The following VPS8 variants were observed in gnomAD, a reference collection of about 807,000 sequenced individuals.
VPS8 encodes vacuolar protein sorting-associated protein 8 homolog.
VPS8 carries 129 observed loss-of-function variants against 216.4 expected under a neutral mutation model. The ratio of observed to expected loss-of-function variants is 0.60; its 90% confidence interval spans 0.52 to 0.69. The LOEUF is 0.69. Among genes scored for constraint, VPS8 ranks in the 30% least tolerant of loss-of-function variants. VPS8 has a pLI of 0.00. For synonymous variants in VPS8, 571 were observed against 565.4 expected (o/e 1.01, Z -0.14); for missense variants, 1,531 against 1,683.5 (o/e 0.91, Z 1.59).
At chr3:184,835,403 A>G (rs1394493833) in intron 5 of VPS8, among the ~76,000 whole-genome samples, 1 of 152,144 alleles carries the variant, frequency 6.6e-6, no homozygotes, top group Non-Finnish European at 1.5e-5. Flanking sequence ...AATGGCTGGA[A>G]CAGAGTATCT....
chr3:184,930,678 G>A (rs536867155), intron 34 of VPS8, 110 bp downstream of exon 34: 1 of 739,214 alleles, frequency 1.4e-6, no homozygotes, highest in Admixed American at 2.4e-5. Flanking sequence ...ATTTAATTTA[G>A]GGTTGAAATC....
chr3:184,968,839 G>A (rs1044018775), intron 39 of VPS8, among the ~76,000 whole-genome samples: 6 of 152,094 alleles, frequency 3.9e-5, no homozygotes, highest in Non-Finnish European at 2.9e-5. Flanking sequence ...CTTGGTCCAC[G>A]CATTTCACTA....
At chr3:184,832,367 G>T (rs1327001962) in intron 3 of VPS8, among the ~76,000 whole-genome samples, 1 of 152,058 alleles carries the variant, frequency 6.6e-6, no homozygotes, top group Non-Finnish European at 1.5e-5. Flanking sequence ...TTAGCCATTG[G>T]CTGTTAGTTA....
chr3:185,016,211 AC>A (rs779249820), intron 45 of VPS8, among the ~76,000 whole-genome samples: 2 of 152,194 alleles, frequency 1.3e-5, no homozygotes, highest in Admixed American at 1.3e-4. Context: ...ACGTATCGTT[AC>A]TTTCTGTGGC....
rs916104865 is a variant in VPS8 at position 184,963,660 on chromosome 3, G to A, written c.3184-808G>A. Among the ~76,000 whole-genome samples the A allele has an allele frequency of 3.9e-5, 6 of 152,080 alleles. No individual in the cohort carries two copies. The South Asian group carries it at 1.0e-3, about 26-fold the overall frequency. On this transcript the variant is annotated intron_variant, in intron 37 of 47. Coordinates refer to ENST00000625842, the MANE Select transcript of VPS8 (RefSeq NM_001009921.3). ...TGTCTAGGATCTCTAAGGTATTGGC[G>A]AATAGAAGCAGTGACAGTATGACTT...
At chr3:185,025,596 C>T (rs1210525982) in intron 46 of VPS8, among the ~76,000 whole-genome samples, 1 of 152,240 alleles carries the variant, frequency 6.6e-6, no homozygotes, top group Non-Finnish European at 1.5e-5. Context: ...ATCTCTTTCA[C>T]TCTTGTCAAG....
intron 37 of VPS8, among the ~76,000 whole-genome samples, chr3:184,963,437 A>G (rs1746871872): frequency 6.6e-6 from 1 of 152,114 alleles, no homozygotes. Flanking sequence ...TTAATATTGT[A>G]CAAGGAGATT....
At chr3:184,909,404 A>G (rs188414453) in intron 25 of VPS8, among the ~76,000 whole-genome samples, 62 of 152,162 alleles carry the variant, frequency 4.1e-4, no homozygotes, top group Non-Finnish European at 4.4e-4. Flanking sequence ...TTACTCCACC[A>G]TTTCTGAGGT....
intron 21 of VPS8, among the ~76,000 whole-genome samples, chr3:184,882,819 A>C (rs968864572): frequency 6.6e-6 from 1 of 152,068 alleles, no homozygotes; most frequent in Non-Finnish European, 1.5e-5. Context: ...GGTGCACTTC[A>C]TGTAAATTGT....
intron 32 of VPS8, among the ~76,000 whole-genome samples, chr3:184,928,778 T>C (rs1240021683): frequency 2.0e-5 from 3 of 152,168 alleles, no homozygotes; most frequent in East Asian, 1.9e-4. Flanking sequence ...AGTGAAATAG[T>C]CTTATGATGT....
chr3:184,921,556 G>A (rs1738612993), intron 29 of VPS8, among the ~76,000 whole-genome samples: 1 of 151,974 alleles, frequency 6.6e-6, no homozygotes, highest in Non-Finnish European at 1.5e-5. Context: ...AGCTAAACAT[G>A]AGGAGTTCTG....
rs548182111 is a variant in VPS8 at position 184,813,251 on chromosome 3, C to T, written c.-89+1026C>T. On this transcript the variant is annotated intron_variant, in intron 1 of 47. Coordinates refer to ENST00000625842, the MANE Select transcript of VPS8 (RefSeq NM_001009921.3). ...TAGAATGAATAGGAAGGCTTCTGGC[C>T]TCTGCACCATCCACCCTCTACCATA... 6.6e-5 allele frequency among the ~76,000 whole-genome samples: 10 copies of T among 152,220 alleles called. No homozygotes were observed. The South Asian group carries it at 2.1e-3, about 32-fold the overall frequency.
At chr3:184,854,496 G>A (rs1046490934) in intron 13 of VPS8, among the ~76,000 whole-genome samples, 1 of 152,160 alleles carries the variant, frequency 6.6e-6, no homozygotes, top group Non-Finnish European at 1.5e-5. Context: ...CTGGTACTCT[G>A]TGGTCACACC....
chr3:184,891,492 G>GA (rs892175611), intron 22 of VPS8, among the ~76,000 whole-genome samples: 1 of 151,956 alleles, frequency 6.6e-6, no homozygotes, highest in African/African-American at 2.4e-5. Flanking sequence ...AAAGCTGGGG[G>GA]AAAAAAGGCG....
At position 184,915,338 on chromosome 3, in the gene VPS8, T is replaced by G; in HGVS notation, c.2263-17T>G. 1 of 1,608,548 alleles carries G rather than the reference T, an allele frequency of 6.2e-7. No homozygotes were observed. The highest frequency in any genetic ancestry group is 8.5e-7 in the Non-Finnish European group (1 of 1,177,414). ...GTCAGGTGAGAAAATAATCAACATT[T>G]TTTTCCCAACTTGCAGGTTTTTGAA... On this transcript the variant is annotated splice_polypyrimidine_tract_variant and intron_variant, in intron 27 of 47. Transcript: ENST00000625842.
rs1175871390 is a variant in VPS8 at position 185,052,124 on chromosome 3, G to A, written c.*99G>A. 1.1e-5 allele frequency: 15 copies of A among 1,344,806 alleles called. No homozygotes were observed. The highest frequency in any genetic ancestry group is 5.7e-5 in the Admixed American group (2 of 35,178). 83.3% of individuals were successfully genotyped at this position (1,344,806 alleles called of 1,614,324 possible). A position where few individuals can be genotyped will look rare whatever the true frequency, so the allele number is the denominator to read the frequency against. On this transcript the variant is annotated 3_prime_UTR_variant, in exon 48 of 48. Coordinates refer to ENST00000625842, the MANE Select transcript of VPS8 (RefSeq NM_001009921.3). ...GGGCTTGGCCTCCACCACCTCCCACGCTTCTGAGAAGAGGTTCCAAATTGG... is the reference window on the plus strand; with the variant it reads ...GGGCTTGGCCTCCACCACCTCCCACACTTCTGAGAAGAGGTTCCAAATTGG...
intron 5 of VPS8, chr3:184,836,225 G>T (rs1236272854): frequency 2.2e-6 from 1 of 455,712 alleles, no homozygotes; most frequent in Non-Finnish European, 4.4e-6. Flanking sequence ...GGAAACCTGG[G>T]CAATTGTTCT....
chr3:184,866,391 G>C (rs947925149), intron 16 of VPS8, among the ~76,000 whole-genome samples: 11 of 152,352 alleles, frequency 7.2e-5, no homozygotes, highest in African/African-American at 2.6e-4. Context: ...ACCTGGGTTT[G>C]GAGGTGGGAA....
At chr3:184,812,716 C>G (rs2108442225) in intron 1 of VPS8, 1 of 152,398 alleles carries the variant, frequency 6.6e-6, no homozygotes, top group East Asian at 1.9e-4. Flanking sequence ...GGCTGAGGGA[C>G]TGGCGCGCCC....
Sources: allele counts gnomAD v4.1 joint callset (sites outside exome capture counted in the v4.1 genomes callset), GRCh38; gene constraint gnomAD v4.1.1; transcripts MANE v1.5; gene names NCBI Gene and HGNC (gene_info 2026-07-23, HGNC 2026-07-21).